The following SLCO6A1 variants were observed in gnomAD, a reference collection of about 807,000 sequenced individuals.
SLCO6A1 encodes the protein cancer/testis antigen 48.
Under a neutral mutation model 72.7 loss-of-function variants are expected in SLCO6A1, and 65 were observed. That is an observed-to-expected ratio of 0.89 (90% confidence interval 0.73 to 1.10). The LOEUF (loss-of-function observed/expected upper bound fraction) is 1.10. Among genes scored for constraint, SLCO6A1 ranks in the 50% least tolerant of loss-of-function variants. The pLI is 0.00. For missense variants in SLCO6A1, 874 were observed against 872.6 expected (o/e 1.00, Z -0.02); for synonymous variants, 314 against 298.2 (o/e 1.05, Z -0.55).
chr5:102,463,042 C>T (rs1284127329), intron 4 of SLCO6A1, among the ~76,000 whole-genome samples: 5 of 152,056 alleles, frequency 3.3e-5, no homozygotes, highest in Non-Finnish European at 1.5e-5. Context: ...GGACTAATAT[C>T]CAGAATCAAC....
intron 4 of SLCO6A1, among the ~76,000 whole-genome samples, chr5:102,462,538 C>T (rs1326610542): frequency 6.6e-6 from 1 of 152,128 alleles, no homozygotes; most frequent in Non-Finnish European, 1.5e-5. Flanking sequence ...TAAAAATAGG[C>T]ACACAGACCA....
intron 6 of SLCO6A1, among the ~76,000 whole-genome samples, chr5:102,443,981 C>T (rs1219109285): frequency 6.6e-6 from 1 of 152,096 alleles, no homozygotes; most frequent in African/African-American, 2.4e-5. Flanking sequence ...CCTTGTTAAT[C>T]ACAGAATTTA....
At chr5:102,411,194 CAAT>C (rs1219044541) in intron 9 of SLCO6A1, among the ~76,000 whole-genome samples, 1 of 151,894 alleles carries the variant, frequency 6.6e-6, no homozygotes, top group Non-Finnish European at 1.5e-5. Context: ...TGCTTTAAAA[CAAT>C]AAAGTTGGGA....
intron 4 of SLCO6A1, among the ~76,000 whole-genome samples, chr5:102,468,109 A>C (rs1751400939): frequency 6.6e-6 from 1 of 152,104 alleles, no homozygotes. Context: ...ATTCAGGAGC[A>C]GGTTGTTTAA....
At chr5:102,478,085 A>G (rs1752005012) in intron 2 of SLCO6A1, among the ~76,000 whole-genome samples, 3 of 152,128 alleles carry the variant, frequency 2.0e-5, no homozygotes, top group Middle Eastern at 3.2e-3. Context: ...CACCTGTAGT[A>G]CCAGCTACTA....
intron 7 of SLCO6A1, among the ~76,000 whole-genome samples, chr5:102,425,962 C>T (rs769375935): frequency 3.2e-4 from 49 of 152,118 alleles, no homozygotes; most frequent in Middle Eastern, 3.2e-3. Context: ...AGAAATAATG[C>T]TGTGTATCTA....
intron 8 of SLCO6A1, among the ~76,000 whole-genome samples, chr5:102,414,413 G>A (rs556021890): frequency 2.2e-4 from 33 of 152,176 alleles, no homozygotes; most frequent in African/African-American, 7.5e-4. Flanking sequence ...AGAATAAAAG[G>A]CTTCCAAATT....
intron 7 of SLCO6A1, among the ~76,000 whole-genome samples, chr5:102,426,471 C>T (rs970500136): frequency 6.6e-6 from 1 of 152,132 alleles, no homozygotes; most frequent in African/African-American, 2.4e-5. Context: ...TATGAACAGA[C>T]ACTTCTCAAA....
At chr5:102,432,224 A>C (rs1749259808) in intron 7 of SLCO6A1, among the ~76,000 whole-genome samples, 1 of 152,102 alleles carries the variant, frequency 6.6e-6, no homozygotes, top group Non-Finnish European at 1.5e-5. Context: ...GGGGCATTTA[A>C]CCCATTTACA....
At chr5:102,372,463 A>C (rs1750675364) in intron 13 of SLCO6A1, among the ~76,000 whole-genome samples, 1 of 152,034 alleles carries the variant, frequency 6.6e-6, no homozygotes, top group Non-Finnish European at 1.5e-5. Context: ...TCTAATTTCG[A>C]TTGATGTACA....
At chr5:102,391,406 G>C (rs777721686) in intron 10 of SLCO6A1, among the ~76,000 whole-genome samples, 1 of 151,980 alleles carries the variant, frequency 6.6e-6, no homozygotes, top group Admixed American at 6.6e-5. Context: ...TTTTGCCCCT[G>C]TGAGATTCAC....
intron 5 of SLCO6A1, 105 bp downstream of exon 5, chr5:102,459,551 C>T: frequency 1.6e-6 from 2 of 1,252,310 alleles, no homozygotes; most frequent in Non-Finnish European, 2.2e-6. Context: ...CAGCGAGAGG[C>T]ATACTCATTT....
At chr5:102,381,042 T>C (rs1393390124) in intron 12 of SLCO6A1, among the ~76,000 whole-genome samples, 1 of 151,996 alleles carries the variant, frequency 6.6e-6, no homozygotes, top group African/African-American at 2.4e-5. Flanking sequence ...ATTAAATCAA[T>C]GTATTTAATA....
chr5:102,426,866 C>A (rs992061025), intron 7 of SLCO6A1, among the ~76,000 whole-genome samples: 3 of 151,348 alleles, frequency 2.0e-5, no homozygotes, highest in African/African-American at 7.3e-5. Flanking sequence ...TTGGAAGCAA[C>A]CCAAATGCCC....
intron 9 of SLCO6A1, among the ~76,000 whole-genome samples, chr5:102,410,903 A>T (rs1182050544): frequency 6.6e-6 from 1 of 152,204 alleles, no homozygotes; most frequent in Admixed American, 6.5e-5. Flanking sequence ...TAGAAGGACT[A>T]ATTTCCACAT....
At chr5:102,399,993 TGTTA>T (rs1232577140) in intron 9 of SLCO6A1, among the ~76,000 whole-genome samples, 2 of 151,856 alleles carry the variant, frequency 1.3e-5, no homozygotes, top group Admixed American at 6.6e-5. Context: ...GGAAAAGCTC[TGTTA>T]ATTTAAGAAA....
At chr5:102,427,289 GAAT>G (rs1748945051) in intron 7 of SLCO6A1, among the ~76,000 whole-genome samples, 1 of 151,768 alleles carries the variant, frequency 6.6e-6, no homozygotes. Flanking sequence ...AGTGAGAGAA[GAAT>G]AACCAAAACA....
At chr5:102,372,984 CCAAAT>C (rs1281438108) in intron 13 of SLCO6A1, among the ~76,000 whole-genome samples, 3 of 151,318 alleles carry the variant, frequency 2.0e-5, no homozygotes, top group African/African-American at 7.3e-5. Flanking sequence ...TATCTACTGC[CCAAAT>C]CAAAAGTACT....
At chr5:102,493,026 T>G (rs1202162521) in intron 1 of SLCO6A1, among the ~76,000 whole-genome samples, 1 of 152,132 alleles carries the variant, frequency 6.6e-6, no homozygotes. Context: ...TCTGACAGGT[T>G]TGTGCATTGT....
Sources: allele counts gnomAD v4.1 joint callset (sites outside exome capture counted in the v4.1 genomes callset), GRCh38; gene constraint gnomAD v4.1.1; transcripts MANE v1.5; gene names NCBI Gene and HGNC (gene_info 2026-07-23, HGNC 2026-07-21).